RAD9B: variants seen among roughly 807,000 people sequenced by gnomAD.
RAD9B encodes the protein cell cycle checkpoint control protein RAD9B.
A neutral mutation model predicts 48.3 loss-of-function variants in RAD9B; 41 were observed. The observed-to-expected ratio is 0.85, with a 90% CI of 0.66 to 1.10. The LOEUF is 1.10. Among genes scored for constraint, RAD9B ranks in the 50% least tolerant of loss-of-function variants. The probability of loss-of-function intolerance (pLI) is 0.00; values close to 1 mark genes in which losing one functional copy is unlikely to be tolerated. For missense variants in RAD9B, 444 were observed against 485.1 expected (o/e 0.92, Z 0.80); for synonymous variants, 160 against 157.9 (o/e 1.01, Z -0.10).
intron 2 of RAD9B, among the ~76,000 whole-genome samples, chr12:110,504,778 C>T (rs2063210425): frequency 1.3e-5 from 2 of 152,148 alleles, no homozygotes; most frequent in Admixed American, 1.3e-4. Context: ...AGGAGGATCA[C>T]TTGAGCCCAG....
chr12:110,504,372 G>C (rs1338390871), intron 2 of RAD9B, among the ~76,000 whole-genome samples: 1 of 151,730 alleles, frequency 6.6e-6, no homozygotes, highest in African/African-American at 2.4e-5. Context: ...GGGAGGCTGA[G>C]GTGGGAGAAT....
At chr12:110,507,183 G>GAAGTATTA (rs2063302408) in intron 4 of RAD9B, among the ~76,000 whole-genome samples, 1 of 151,858 alleles carries the variant, frequency 6.6e-6, no homozygotes. Context: ...TATCTTACCT[G>GAAGTATTA]TCACTGTAGA....
At position 110,522,224 on chromosome 12, in the gene RAD9B, C is replaced by A; in HGVS notation, c.938C>A (p.Ala313Asp). Residue 313 changes from alanine to aspartate, a missense_variant, in exon 10 of 11, where the codon GCC becomes GAC. Ala to Asp is a moderately radical substitution (Grantham distance 126). Coordinates refer to ENST00000409300, the MANE Select transcript of RAD9B (RefSeq NM_001286535.2). The stretch of plus-strand genomic sequence containing the variant: ...GCTGGCAAAAATGTAACTGGCCAGG[C>A]CCTGGAATGTATTTCAAAAAAAGCA... ...KKAGKNVTGQ[A>D]LECISKKAAP... 6.2e-7 allele frequency: 1 copy of A among 1,605,160 alleles called. No homozygotes were observed. The highest frequency in any genetic ancestry group is 8.5e-7 in the Non-Finnish European group (1 of 1,175,854).
At chr12:110,513,018 T>C (rs1320189581) in intron 5 of RAD9B, 140 bp downstream of exon 5, 1 of 560,434 alleles carries the variant, frequency 1.8e-6, no homozygotes, top group Non-Finnish European at 3.1e-6. Context: ...CAGGCTGGAG[T>C]GCAGTGGCGC....
chr12:110,509,930 T>A (rs1441997191), intron 4 of RAD9B, among the ~76,000 whole-genome samples: 1 of 152,214 alleles, frequency 6.6e-6, no homozygotes, highest in Non-Finnish European at 1.5e-5. Flanking sequence ...CCCATGTGCA[T>A]CTATTACCTA....
chr12:110,531,713 C>A lies in RAD9B; in HGVS notation c.*1060C>A. 7.3e-7 allele frequency: 1 copy of A among 1,364,090 alleles called. No individual in the cohort carries two copies. The highest frequency in any genetic ancestry group is 1.0e-6 in the Non-Finnish European group (1 of 989,882). The allele number at this position is 1,364,090 out of a possible 1,614,324, so 84.5% of individuals were successfully genotyped here. A position where few individuals can be genotyped will look rare whatever the true frequency, so the allele number is the denominator to read the frequency against. The stretch of plus-strand genomic sequence containing the variant: ...AGACAAATGTCTCTGTTCTTTGGCC[C>A]TTTAAGAGTTAGCTTTTTACCTGCA... On this transcript the variant is annotated 3_prime_UTR_variant, in exon 11 of 11. Transcript: ENST00000409300.
intron 10 of RAD9B, among the ~76,000 whole-genome samples, chr12:110,529,587 C>T (rs1023991132): frequency 1.9e-4 from 28 of 146,404 alleles, no homozygotes; most frequent in African/African-American, 5.3e-4. Context: ...CTGGTCTTTA[C>T]GGAAAAAAAA....
intron 5 of RAD9B, among the ~76,000 whole-genome samples, chr12:110,513,915 G>C (rs1307772004): frequency 1.3e-5 from 2 of 151,778 alleles, no homozygotes; most frequent in Non-Finnish European, 2.9e-5. Context: ...TATAGAGACG[G>C]GGTTTCGCCA....
At chr12:110,517,485 G>A (rs1418659359) in intron 6 of RAD9B, among the ~76,000 whole-genome samples, 1 of 151,902 alleles carries the variant, frequency 6.6e-6, no homozygotes, top group East Asian at 1.9e-4. Context: ...TTAGCTGGAC[G>A]TGGTGGTGTG....
chr12:110,503,724 T>C (rs1038844639), intron 1 of RAD9B, 82 bp from the exon 2 acceptor site: 2 of 966,076 alleles, frequency 2.1e-6, no homozygotes, highest in African/African-American at 3.2e-5. Flanking sequence ...TCTTGAGTCC[T>C]CTGAATGCTG....
intron 4 of RAD9B, among the ~76,000 whole-genome samples, chr12:110,509,447 A>G (rs1242511393): frequency 6.6e-6 from 1 of 151,970 alleles, no homozygotes; most frequent in East Asian, 1.9e-4. Flanking sequence ...ATTTTTAAAA[A>G]AATTTTAATA....
chr12:110,515,213 T>A, intron 6 of RAD9B, 57 bp downstream of exon 6: 1 of 819,246 alleles, frequency 1.2e-6, no homozygotes, highest in Non-Finnish European at 2.0e-6. Context: ...GTCTCTCGAT[T>A]ACTAACCATA....
intron 4 of RAD9B, among the ~76,000 whole-genome samples, chr12:110,511,925 C>G (rs1443586646): frequency 1.3e-5 from 2 of 151,990 alleles, no homozygotes; most frequent in Non-Finnish European, 2.9e-5. Flanking sequence ...CGGCTCACTG[C>G]AACCTCCACC....
chr12:110,509,499 T>G (rs1158686849), intron 4 of RAD9B, among the ~76,000 whole-genome samples: 2 of 151,650 alleles, frequency 1.3e-5, no homozygotes, highest in African/African-American at 4.8e-5. Context: ...GGTCTCAAAC[T>G]CCTGAGCCAG....
At position 110,531,071 on chromosome 12, in the gene RAD9B, A is replaced by G; in HGVS notation, c.*418A>G. On this transcript the variant is annotated 3_prime_UTR_variant, in exon 11 of 11. Coordinates refer to ENST00000409300, the MANE Select transcript of RAD9B (RefSeq NM_001286535.2). ...CAGGTATCTTTTGTATTTGATTGCA[A>G]ACATTTGGATTTTAGTTTTCTCATG... The G allele has an allele frequency of 1.0e-6, 1 of 998,344 alleles. No individual in the cohort carries two copies. The highest frequency in any genetic ancestry group is 1.2e-6 in the Non-Finnish European group (1 of 838,710). The allele number at this position is 998,344 out of a possible 1,614,324, so 61.8% of individuals were successfully genotyped here.
At chr12:110,519,278 A>C (rs1165974153) in intron 8 of RAD9B, among the ~76,000 whole-genome samples, 2 of 150,728 alleles carry the variant, frequency 1.3e-5, no homozygotes, top group Middle Eastern at 3.2e-3. Context: ...TAATTTTTGT[A>C]TTTTTGGTAG....
chr12:110,516,752 G>T (rs550690500), intron 6 of RAD9B, among the ~76,000 whole-genome samples: 1 of 152,174 alleles, frequency 6.6e-6, no homozygotes, highest in East Asian at 1.9e-4. Context: ...GGCGGTGGTT[G>T]CAGTGAGCCA....
intron 4 of RAD9B, among the ~76,000 whole-genome samples, chr12:110,512,115 G>A (rs928569753): frequency 6.6e-6 from 1 of 150,982 alleles, no homozygotes; most frequent in Non-Finnish European, 1.5e-5. Context: ...AAAGTGCTGG[G>A]ATTACATGCG....
intron 5 of RAD9B, among the ~76,000 whole-genome samples, chr12:110,513,517 G>A (rs2063523284): frequency 6.6e-6 from 1 of 151,640 alleles, no homozygotes; most frequent in African/African-American, 2.4e-5. Flanking sequence ...AATGATTTTG[G>A]CCCTAAGTAT....
Sources: gnomAD v4.1 joint callset for allele counts (sites outside exome capture counted in the v4.1 genomes callset) on GRCh38, gnomAD v4.1.1 for gene constraint, MANE v1.5 for transcripts, NCBI Gene and HGNC (gene_info 2026-07-23, HGNC 2026-07-21) for gene names.